Variants in CCDC158 observed in about 807,000 individuals in gnomAD.
The protein encoded by CCDC158 is coiled-coil domain-containing protein 158.
CCDC158 carries 116 observed loss-of-function variants against 138.6 expected under a neutral mutation model. That is an observed-to-expected ratio of 0.84 (90% CI 0.72 to 0.98). CCDC158 has a LOEUF of 0.98. Among genes scored for constraint, CCDC158 ranks in the 50% least tolerant of loss-of-function variants. The pLI, the probability that CCDC158 is intolerant of heterozygous loss-of-function variation, is 0.00. For synonymous variants in CCDC158, 436 were observed against 442.4 expected (o/e 0.99, Z 0.18); for missense variants, 1,265 against 1,306.1 (o/e 0.97, Z 0.48).
At chr4:76,415,406 G>C (rs1000117049) in intron 1 of CCDC158, among the ~76,000 whole-genome samples, 3 of 152,186 alleles carry the variant, frequency 2.0e-5, no homozygotes, top group Middle Eastern at 6.8e-3. Flanking sequence ...TCCATTTTCT[G>C]GGGAGAAATT....
chr4:76,330,597 G>A (rs1720921566), intron 21 of CCDC158, among the ~76,000 whole-genome samples: 1 of 151,672 alleles, frequency 6.6e-6, no homozygotes, highest in South Asian at 2.1e-4. Context: ...AATACTTGGG[G>A]AAAAAAAAGA....
At chr4:76,376,123 G>A (rs565115761) in intron 9 of CCDC158, among the ~76,000 whole-genome samples, 15 of 151,802 alleles carry the variant, frequency 9.9e-5, no homozygotes, top group African/African-American at 3.6e-4. Context: ...GTGTGATCAT[G>A]GCTCATTGCA....
At chr4:76,372,236 C>T (rs1413824185) in intron 9 of CCDC158, among the ~76,000 whole-genome samples, 1 of 152,130 alleles carries the variant, frequency 6.6e-6, no homozygotes, top group Non-Finnish European at 1.5e-5. Flanking sequence ...CCCAGGAGTT[C>T]AAGACCAACC....
intron 2 of CCDC158, among the ~76,000 whole-genome samples, chr4:76,409,438 T>C (rs762903997): frequency 2.6e-5 from 4 of 152,138 alleles, no homozygotes; most frequent in Non-Finnish European, 4.4e-5. Context: ...AGAGGTGAGA[T>C]CTTGGCCTCT....
intron 9 of CCDC158, among the ~76,000 whole-genome samples, chr4:76,377,432 T>A (rs748939070): frequency 2.0e-5 from 3 of 152,220 alleles, no homozygotes; most frequent in Admixed American, 6.5e-5. Flanking sequence ...TCTCTCATTG[T>A]CAGATTGTCA....
At chr4:76,361,960 G>A (rs1432135201) in intron 13 of CCDC158, among the ~76,000 whole-genome samples, 166 bp downstream of exon 13, 1 of 152,144 alleles carries the variant, frequency 6.6e-6, no homozygotes, top group Non-Finnish European at 1.5e-5. Flanking sequence ...AACTCTTCAT[G>A]AAAACTATGA....
intron 18 of CCDC158, among the ~76,000 whole-genome samples, chr4:76,338,598 A>G (rs1721763487): frequency 6.6e-6 from 1 of 152,214 alleles, no homozygotes; most frequent in African/African-American, 2.4e-5. Context: ...CAGACTTATC[A>G]AAACCCTATC....
At position 76,367,422 on chromosome 4, in the gene CCDC158, G is replaced by A. The variant is rs1214032873; in HGVS notation, c.1702C>T (p.Arg568Ter). 5.6e-6 allele frequency: 9 copies of A among 1,614,080 alleles called. No individual in the cohort carries two copies. The highest frequency in any genetic ancestry group is 1.3e-5 in the African/African-American group (1 of 74,936). ...TEKDKVIEIL[R>*]QQIENMTQLV... ...TGTGTCATGTTCTCAATCTGCTGTC[G>A]CAGAATCTCGATCACCTTGTCCTTC... The change falls in exon 12 of 25, where the codon CGA becomes TGA. Residue 568 changes from arginine (R) to a stop codon, truncating the protein, a stop_gained. Coordinates refer to ENST00000682701, the MANE Select transcript of CCDC158 (RefSeq NM_001394954.1). LOFTEE classifies it high-confidence loss of function.
chr4:76,383,931 A>G (rs1352905646), intron 6 of CCDC158, among the ~76,000 whole-genome samples, 157 bp downstream of exon 6: 1 of 152,226 alleles, frequency 6.6e-6, no homozygotes, highest in Non-Finnish European at 1.5e-5. Context: ...AAACCAAGCT[A>G]GTTCCTATTA....
intron 9 of CCDC158, among the ~76,000 whole-genome samples, chr4:76,378,772 A>AC (rs59893026): frequency 0.027 from 4,039 of 152,350 alleles, 176 homozygotes; most frequent in African/African-American, 0.092. Context: ...AAAGAAAAAA[A>AC]CAGAATATCA....
At chr4:76,409,735 G>T (rs1213696329) in intron 2 of CCDC158, among the ~76,000 whole-genome samples, 5 of 152,180 alleles carry the variant, frequency 3.3e-5, no homozygotes, top group African/African-American at 1.2e-4. Context: ...GGAGGCTGAG[G>T]CAGGAGAATG....
intron 12 of CCDC158, among the ~76,000 whole-genome samples, chr4:76,363,003 C>T (rs572050326): frequency 1.3e-5 from 2 of 152,146 alleles, no homozygotes; most frequent in Admixed American, 1.3e-4. Flanking sequence ...CTCAAAAAGG[C>T]CGCTTACAAG....
intron 23 of CCDC158, among the ~76,000 whole-genome samples, chr4:76,325,417 T>G (rs1339801495): frequency 6.6e-6 from 1 of 152,206 alleles, no homozygotes; most frequent in African/African-American, 2.4e-5. Flanking sequence ...TTCTCATTTG[T>G]CTTATCAAAT....
Position 76,384,434 on chromosome 4 carries a change from A to T in CCDC158, c.399-19T>A, listed in dbSNP as rs1482125123. ...CCTTCGTCTATGAAATAAATGAAAG[A>T]AAATAAATAACATTGATAAAACTCA... is the stretch of plus-strand genomic sequence containing the variant. On this transcript the variant is annotated intron_variant, in intron 5 of 24. Coordinates refer to ENST00000682701, the MANE Select transcript of CCDC158 (RefSeq NM_001394954.1). The T allele has an allele frequency of 4.4e-6, 7 of 1,592,594 alleles. No individual in the cohort carries two copies. The highest frequency in any genetic ancestry group is 6.0e-6 in the Non-Finnish European group (7 of 1,167,228).
Position 76,367,701 on chromosome 4 carries a change from C to G in CCDC158, c.1423G>C (p.Glu475Gln), listed in dbSNP as rs1228945157. ...SLTAQLESTK[E>Q]MLRKVVEELT... ...TCTTCTACTACTTTGCGCAGCATCT[C>G]TTTGGTGGATTCAAGCTGAGCAGTC... Residue 475 changes from glutamate (E) to glutamine (Q), a missense_variant, in exon 12 of 25, where the codon GAG becomes CAG. Physicochemically the swap from Glu to Gln is conservative, Grantham distance 29. Transcript: ENST00000682701. The G allele has an allele frequency of 6.2e-7, 1 of 1,613,988 alleles. No homozygotes were observed. Among genetic ancestry groups the G allele is most frequent in the African/African-American group, 1.3e-5 (1 of 74,922 alleles).
chr4:76,396,407 C>A lies in CCDC158; in HGVS notation c.150G>T (p.Gln50His), dbSNP rs781394780. Residue 50 changes from glutamine (Q) to histidine (H), a missense_variant, in exon 4 of 25, where the codon CAG becomes CAT. Physicochemically the swap from Gln to His is conservative, Grantham distance 24 (BLOSUM62 0). Transcript: ENST00000682701. ...CTTCATATTTAGGGAAAAAAGGAACCTGTGTCAAAGTCCCAGCTGAAGATG... is the reference window on the plus strand; with the variant it reads ...CTTCATATTTAGGGAAAAAAGGAACATGTGTCAAAGTCCCAGCTGAAGATG... ...ENTSSAGTLT[Q>H]VPFFPKYEVE... 4.3e-6 allele frequency: 7 copies of A among 1,613,878 alleles called. No homozygotes were observed. Among genetic ancestry groups the A allele is most frequent in the Non-Finnish European group, 5.9e-6 (7 of 1,179,896 alleles).
At chr4:76,339,992 C>T (rs887806677) in intron 18 of CCDC158, among the ~76,000 whole-genome samples, 74 of 152,284 alleles carry the variant, frequency 4.9e-4, no homozygotes, top group Non-Finnish European at 1.5e-4. Flanking sequence ...TTATGAGAGC[C>T]GCTCCAGAGA....
chr4:76,351,026 A>G lies in CCDC158; in HGVS notation c.2634T>C (p.Ser878=). 3 of 1,613,978 alleles carry G rather than the reference A, an allele frequency of 1.9e-6. No individual in the cohort carries two copies. The highest frequency in any genetic ancestry group is 2.5e-6 in the Non-Finnish European group (3 of 1,179,896). ...ACAGGAAGCTGGCTGTAGACTGCGA[A>G]GATGGTACATTAGAATGAGAACGAG... ...SVTRSHSNVP[S]SQSTASFLSH... The change falls in exon 18 of 25, where the codon TCT becomes TCC. Residue 878 remains serine (S), a synonymous_variant. Transcript: ENST00000682701.
intron 7 of CCDC158, 69 bp downstream of exon 7, chr4:76,383,593 G>A: frequency 9.1e-7 from 1 of 1,104,520 alleles, no homozygotes; most frequent in Non-Finnish European, 1.4e-6. Flanking sequence ...TTTTGGAATT[G>A]TGGCCGAAAC....
Sources: allele counts gnomAD v4.1 joint callset (sites outside exome capture counted in the v4.1 genomes callset), GRCh38; gene constraint gnomAD v4.1.1; transcripts MANE v1.5; gene names NCBI Gene and HGNC (gene_info 2026-07-23, HGNC 2026-07-21).